Variants in IL33 observed in about 807,000 individuals in gnomAD.
IL33 encodes interleukin 33.
Under a neutral mutation model 27.3 loss-of-function variants are expected in IL33, and 37 were observed. The ratio of observed to expected loss-of-function variants is 1.36; its 90% CI spans 1.04 to 1.78. The LOEUF (loss-of-function observed/expected upper bound fraction) is 1.78. Ranked by LOEUF, IL33 falls within the 40% of genes most tolerant of loss-of-function variation. IL33 has a pLI of 0.00. For synonymous variants in IL33, 132 were observed against 102.9 expected, an observed-to-expected ratio of 1.28 and a Z score of -1.71; for missense variants, 406 against 311.4, an observed-to-expected ratio of 1.30 and a Z score of -2.29.
rs1816725888 is a variant in IL33, at chr9:6,256,274, G to A, written c.*106G>A. ...GTGACATCTAAGGGAAATGAAGAGTGCTTAGCATGTGTGGAATGTTTTCCA... is the reference window on the plus strand; with the variant it reads ...GTGACATCTAAGGGAAATGAAGAGTACTTAGCATGTGTGGAATGTTTTCCA... On this transcript the variant is annotated 3_prime_UTR_variant, in exon 8 of 8. Transcript: ENST00000682010. 1 of 761,540 alleles carries A rather than the reference G, an allele frequency of 1.3e-6. No individual in the cohort carries two copies. The highest frequency in any genetic ancestry group is 2.2e-6 in the Non-Finnish European group (1 of 459,242). The allele number at this position is 761,540 out of a possible 1,614,324, so 47.2% of individuals were successfully genotyped here.
chr9:6,227,653 A>G (rs536505598), intron 1 of IL33, among the ~76,000 whole-genome samples: 18 of 152,216 alleles, frequency 1.2e-4, no homozygotes, highest in Admixed American at 3.9e-4. Flanking sequence ...TCCAACCATT[A>G]AGTGTAATGC....
At chr9:6,232,144 C>T (rs1799092331) in intron 1 of IL33, among the ~76,000 whole-genome samples, 1 of 152,100 alleles carries the variant, frequency 6.6e-6, no homozygotes, top group South Asian at 2.1e-4. Flanking sequence ...AAATGATTTT[C>T]CAGCTGATCA....
intron 5 of IL33, among the ~76,000 whole-genome samples, 195 bp downstream of exon 5, chr9:6,253,186 C>G (rs995919): frequency 1 from 152,317 of 152,318 alleles, 76,158 homozygotes; most frequent in Non-Finnish European, 1. Context: ...AGCTTTGTCA[C>G]GTTCATCAGA....
chr9:6,256,169 T>A lies in IL33; in HGVS notation c.*1T>A, dbSNP rs149473323. On this transcript the variant is annotated 3_prime_UTR_variant, in exon 8 of 8. Transcript: ENST00000682010. ...CTTGTTTAAGCTCTCTGAAACTTAG[T>A]TGATGGAAACCTGTGAGTCTTGGGT... 1.2e-6 allele frequency: 2 copies of A among 1,611,108 alleles called. No homozygotes were observed. The highest frequency in any genetic ancestry group is 2.2e-5 in the East Asian group (1 of 44,854).
At position 6,220,046 on chromosome 9, in the gene IL33, G is replaced by A. The variant is rs550786034; in HGVS notation, c.-12+4194G>A. ...TTTCAAATATGAAAATATTGATGAAGTGACATTAAAACCTTCTGTCTATTT... is the reference window on the plus strand; with the variant it reads ...TTTCAAATATGAAAATATTGATGAAATGACATTAAAACCTTCTGTCTATTT... On this transcript the variant is annotated intron_variant, in intron 1 of 7. Transcript: ENST00000682010. Among the ~76,000 whole-genome samples, 48 of 152,262 alleles carry A rather than the reference G, an allele frequency of 3.2e-4. No individual in the cohort carries two copies. The Middle Eastern group carries it at 0.014, about 43-fold the overall frequency.
chr9:6,241,298 C>A (rs190104007), intron 1 of IL33, among the ~76,000 whole-genome samples: 8 of 152,274 alleles, frequency 5.3e-5, no homozygotes, highest in Admixed American at 5.2e-4. Flanking sequence ...ATATACTATG[C>A]ATGATTGTAT....
chr9:6,219,417 T>G (rs1484055124), intron 1 of IL33, among the ~76,000 whole-genome samples: 1 of 152,156 alleles, frequency 6.6e-6, no homozygotes, highest in African/African-American at 2.4e-5. Context: ...TATAGCGGAC[T>G]CCTGGCACAT....
At chr9:6,222,445 G>T (rs2130104722) in intron 1 of IL33, among the ~76,000 whole-genome samples, 1 of 152,290 alleles carries the variant, frequency 6.6e-6, no homozygotes, top group South Asian at 2.1e-4. Flanking sequence ...TTTGGCTTTT[G>T]ACTATGCCAG....
At chr9:6,241,543 G>A (rs1170539713) in intron 1 of IL33, 141 bp from the exon 2 acceptor site, 2 of 546,036 alleles carry the variant, frequency 3.7e-6, no homozygotes, top group Non-Finnish European at 6.7e-6. Context: ...TGCATAGTTA[G>A]AATACTACGT....
chr9:6,240,295 A>C (rs1819456411), intron 1 of IL33, among the ~76,000 whole-genome samples: 1 of 152,136 alleles, frequency 6.6e-6, no homozygotes, highest in South Asian at 2.1e-4. Context: ...TAAGAAATAC[A>C]TTCATTTGGT....
intron 1 of IL33, among the ~76,000 whole-genome samples, chr9:6,227,782 ATG>A (rs1818710086): frequency 6.6e-6 from 1 of 152,174 alleles, no homozygotes; most frequent in African/African-American, 2.4e-5. Flanking sequence ...AATGGGCCTA[ATG>A]ACATATTTTC....
chr9:6,226,713 A>G (rs1410708480), intron 1 of IL33, among the ~76,000 whole-genome samples: 1 of 152,182 alleles, frequency 6.6e-6, no homozygotes, highest in Non-Finnish European at 1.5e-5. Flanking sequence ...CATATTTTCA[A>G]TCTTTTAGAA....
intron 7 of IL33, 150 bp downstream of exon 7, chr9:6,254,703 A>C: frequency 2.6e-6 from 1 of 385,788 alleles, no homozygotes; most frequent in Non-Finnish European, 4.6e-6. Context: ...CACTTACTAC[A>C]AATGACTTGC....
intron 1 of IL33, among the ~76,000 whole-genome samples, chr9:6,228,846 C>CAA (rs386414378): frequency 0.31 from 41,804 of 135,460 alleles, 6,613 homozygotes; most frequent in East Asian, 0.48. Flanking sequence ...AACACTGACT[C>CAA]AAAAAAAAAA....
intron 1 of IL33, among the ~76,000 whole-genome samples, chr9:6,220,131 C>G (rs1818346610): frequency 6.6e-6 from 1 of 152,106 alleles, no homozygotes; most frequent in African/African-American, 2.4e-5. Flanking sequence ...CCATTGTTCT[C>G]TTCTGTAACT....
chr9:6,215,666 TG>T (rs1818104772), upstream of IL33: 1 of 152,194 alleles, frequency 6.6e-6, no homozygotes, highest in Non-Finnish European at 1.5e-5. Flanking sequence ...CCTTAGATGT[TG>T]ACAGAATTGT....
At chr9:6,220,129 C>T (rs911411385) in intron 1 of IL33, among the ~76,000 whole-genome samples, 3 of 152,050 alleles carry the variant, frequency 2.0e-5, no homozygotes, top group Non-Finnish European at 4.4e-5. Context: ...AGCCATTGTT[C>T]TCTTCTGTAA....
chr9:6,226,616 T>G (rs1818643690), intron 1 of IL33, among the ~76,000 whole-genome samples: 1 of 152,242 alleles, frequency 6.6e-6, no homozygotes, highest in Non-Finnish European at 1.5e-5. Context: ...TCTGTTTAAT[T>G]GAACCATTGA....
intron 2 of IL33, 122 bp downstream of exon 2, chr9:6,241,907 T>C: frequency 1.4e-6 from 1 of 698,054 alleles, no homozygotes; most frequent in Non-Finnish European, 2.3e-6. Flanking sequence ...AGAACTAAAA[T>C]AAAAAGAGAT....
Sources: gnomAD v4.1 joint callset for allele counts (sites outside exome capture counted in the v4.1 genomes callset) on GRCh38, gnomAD v4.1.1 for gene constraint, MANE v1.5 for transcripts, NCBI Gene and HGNC (gene_info 2026-07-23, HGNC 2026-07-21) for gene names.